Variants in YWHAZ observed in about 807,000 individuals in gnomAD.
YWHAZ encodes the protein 14-3-3 protein zeta/delta.
For missense variants in YWHAZ, 79 were observed against 284.8 expected (o/e 0.28, Z 5.20); for synonymous variants, 87 against 103.6 (o/e 0.84, Z 0.97).
At chr8:100,951,079 C>G in intron 1 of YWHAZ, 1 of 696,278 alleles carries the variant, frequency 1.4e-6, no homozygotes, top group Non-Finnish European at 1.8e-6. Context: ...CAAAAAAAGT[C>G]AGACCCATCC....
chr8:100,929,103 G>C (rs999970654), intron 2 of YWHAZ, among the ~76,000 whole-genome samples: 1 of 152,010 alleles, frequency 6.6e-6, no homozygotes, highest in African/African-American at 2.4e-5. Context: ...TGACAAAATA[G>C]TTGTAAATAT....
intron 2 of YWHAZ, among the ~76,000 whole-genome samples, chr8:100,946,616 GACTC>G (rs1207612344): frequency 6.6e-6 from 1 of 151,916 alleles, no homozygotes; most frequent in Non-Finnish European, 1.5e-5. Flanking sequence ...CCTTGGAAAA[GACTC>G]ACAATGACAG....
At chr8:100,950,264 G>T (rs1586165979) in intron 1 of YWHAZ, 1 of 661,296 alleles carries the variant, frequency 1.5e-6, no homozygotes, top group Non-Finnish European at 1.9e-6. Flanking sequence ...AACAAAAAAT[G>T]ATTTAAGCCA....
At chr8:100,931,989 G>C (rs1813796384) in intron 2 of YWHAZ, 1 of 152,174 alleles carries the variant, frequency 6.6e-6, no homozygotes, top group Non-Finnish European at 1.5e-5. Context: ...TTAAACAACA[G>C]ACTTGTTAGG....
At chr8:100,943,805 T>G (rs571910350) in intron 2 of YWHAZ, among the ~76,000 whole-genome samples, 2 of 151,978 alleles carry the variant, frequency 1.3e-5, no homozygotes, top group East Asian at 3.9e-4. Flanking sequence ...GCTAACACGG[T>G]GAAACCCCAT....
At position 100,920,771 on chromosome 8, in the gene YWHAZ, A is replaced by AT; in HGVS notation, c.679-20dup. 2 of 520,154 alleles carry AT rather than the reference A, an allele frequency of 3.8e-6. No individual in the cohort carries two copies. Among genetic ancestry groups the AT allele is most frequent in the Non-Finnish European group, 6.3e-6 (2 of 317,718 alleles). 32.2% of individuals were successfully genotyped at this position (520,154 alleles called of 1,614,324 possible). ...TCCACAACTGGTAAAAGAAGGAAAG[A>AT]TTTTTCAGCAAGTTTCAGTGGGATG... On this transcript the variant is annotated intron_variant, in intron 5 of 5. Transcript: ENST00000395958.
At chr8:100,923,141 C>T (rs952349759) in intron 5 of YWHAZ, 1 of 151,962 alleles carries the variant, frequency 6.6e-6, no homozygotes, top group Non-Finnish European at 1.5e-5. Context: ...TTACATAGTC[C>T]CCAAGAGAAA....
intron 2 of YWHAZ, among the ~76,000 whole-genome samples, chr8:100,935,898 T>C (rs7835096): frequency 0.11 from 17,229 of 152,224 alleles, 2,116 homozygotes; most frequent in African/African-American, 0.31. Flanking sequence ...TCTAACATAA[T>C]GAATTTCCCA....
upstream of YWHAZ, chr8:100,952,064 G>A (rs1216986151): frequency 7.1e-6 from 7 of 988,026 alleles, no homozygotes; most frequent in African/African-American, 8.7e-5. Context: ...CCGCAGACAC[G>A]GGGTTTCCTC....
At position 100,950,662 on chromosome 8, in the gene YWHAZ, G is replaced by T. The variant is rs916001787; in HGVS notation, c.-12+1267C>A. On this transcript the variant is annotated intron_variant, in intron 1 of 5. Transcript: ENST00000395958. Reference sequence around the variant, plus strand: ...CCGCGCCCCCGCCCAAGCCGTGGGGGGGGGGGAGAGATGGGGAGCGAAGCC... The same window carrying T: ...CCGCGCCCCCGCCCAAGCCGTGGGGTGGGGGGAGAGATGGGGAGCGAAGCC... 256 of 908,306 alleles carry T rather than the reference G, an allele frequency of 2.8e-4. 5 individuals are homozygous for T. The highest frequency in any genetic ancestry group is 5.7e-4 in the Middle Eastern group (1 of 1,768). 56.3% of individuals were successfully genotyped at this position (908,306 alleles called of 1,614,324 possible).
In YWHAZ at chr8:100,918,408, T is replaced by TATATATATATA. The variant is rs1554611374; in HGVS notation, c.*2284_*2285insTATATATATAT. 2.6e-4 allele frequency: 11 copies of TATATATATATA among 41,888 alleles called. No homozygotes were observed. The highest frequency in any genetic ancestry group is 3.5e-4 in the African/African-American group (5 of 14,120). The allele number at this position is 41,888 out of a possible 1,614,324, so 2.6% of individuals were successfully genotyped here. A position where few individuals can be genotyped will look rare whatever the true frequency, so the allele number is the denominator to read the frequency against. ...AGTCTAGCTATAAAATATAATTACT[T>TATATATATATA]TATATATATATATATATATATATAT... On this transcript the variant is annotated 3_prime_UTR_variant, in exon 6 of 6. Transcript: ENST00000395958.
At position 100,922,908 on chromosome 8, in the gene YWHAZ, G is replaced by A. The variant is rs1813129076; in HGVS notation, c.678+1047C>T. ...AGTGCTTCTTATGTTTGATATATAAGATTCTTTCATTCTTTACTGTGGCTT... is the reference window on the plus strand; with the variant it reads ...AGTGCTTCTTATGTTTGATATATAAAATTCTTTCATTCTTTACTGTGGCTT... On this transcript the variant is annotated intron_variant, in intron 5 of 5. Coordinates refer to ENST00000395958, the MANE Select transcript of YWHAZ (RefSeq NM_145690.3). The surrounding 1 kb of genome is among the most constrained non-coding windows in gnomAD (Gnocchi z 4.1). 6.6e-6 allele frequency: 1 copy of A among 152,156 alleles called. No individual in the cohort carries two copies. Among genetic ancestry groups the A allele is most frequent in the Non-Finnish European group, 1.5e-5 (1 of 68,040 alleles). The allele number at this position is 152,156 out of a possible 1,614,324, so 9.4% of individuals were successfully genotyped here.
chr8:100,933,330 G>A (rs191805210), intron 2 of YWHAZ, among the ~76,000 whole-genome samples: 1 of 150,976 alleles, frequency 6.6e-6, no homozygotes, highest in East Asian at 2.0e-4. Context: ...CTGCACTCCA[G>A]CCTGGGTAAC....
At chr8:100,942,027 T>C (rs1809901754) in intron 2 of YWHAZ, among the ~76,000 whole-genome samples, 1 of 152,212 alleles carries the variant, frequency 6.6e-6, no homozygotes, top group South Asian at 2.1e-4. Flanking sequence ...ATCCTTATAT[T>C]CTTTTACCTG....
At chr8:100,950,553 GTCATGGCGGA>G (rs1017513849) in intron 1 of YWHAZ, 2 of 985,354 alleles carry the variant, frequency 2.0e-6, no homozygotes, top group African/African-American at 3.5e-5. Flanking sequence ...CTCCTCCTTT[GTCATGGCGGA>G]TCTGTGTCAG....
At chr8:100,933,636 A>T (rs189797072) in intron 2 of YWHAZ, among the ~76,000 whole-genome samples, 1 of 152,106 alleles carries the variant, frequency 6.6e-6, no homozygotes, top group African/African-American at 2.4e-5. Flanking sequence ...CTTCATCTAC[A>T]TTGTCTGTAC....
rs933888367 is a variant in YWHAZ, at chr8:100,924,789, AAG to A, written c.418+125_418+126del. ...AGTAGATGTGTATTCTCAGAACACA[AAG>A]AGCACTGCTACTCCTTATTCGGCAC... is the stretch of plus-strand genomic sequence containing the variant. On this transcript the variant is annotated intron_variant, in intron 3 of 5. Transcript: ENST00000395958. The surrounding 1 kb of genome is among the most constrained non-coding windows in gnomAD (Gnocchi z 5.7). The A allele has an allele frequency of 4.9e-5, 59 of 1,200,062 alleles. No individual in the cohort carries two copies. The South Asian group carries it at 6.8e-4, about 14-fold the overall frequency. 74.3% of individuals were successfully genotyped at this position (1,200,062 alleles called of 1,614,324 possible).
intron 1 of YWHAZ, 76 bp downstream of exon 1, chr8:100,951,853 G>A: frequency 2.0e-6 from 2 of 987,770 alleles, no homozygotes; most frequent in Non-Finnish European, 2.4e-6. Flanking sequence ...AGGGGACGGA[G>A]CGAGGACGGC....
chr8:100,926,660 GA>G (rs1813385753), intron 2 of YWHAZ, among the ~76,000 whole-genome samples: 1 of 152,152 alleles, frequency 6.6e-6, no homozygotes, highest in Non-Finnish European at 1.5e-5. Flanking sequence ...CCGGAAATCA[GA>G]AGAACGTTTT....
Sources: allele counts gnomAD v4.1 joint callset (sites outside exome capture counted in the v4.1 genomes callset), GRCh38; gene constraint gnomAD v4.1.1; non-coding constraint Gnocchi (gnomAD v3.1); transcripts MANE v1.5; gene names NCBI Gene and HGNC (gene_info 2026-07-23, HGNC 2026-07-21).